GPHN: variants seen among roughly 807,000 people sequenced by gnomAD.
GPHN encodes the protein gephyrin.
A neutral mutation model predicts 95.5 loss-of-function variants in GPHN; 17 were observed. That is an observed-to-expected ratio of 0.18 (90% CI 0.12 to 0.27). The LOEUF is 0.27. Ranked by LOEUF, GPHN falls within the 10% of genes least tolerant of loss-of-function variation. The probability of loss-of-function intolerance (pLI) is 1.00; values close to 1 mark genes in which losing one functional copy is unlikely to be tolerated. For missense variants in GPHN, 660 were observed against 978.1 expected (o/e 0.67, Z 4.34); for synonymous variants, 320 against 322.5 (o/e 0.99, Z 0.08).
intron 9 of GPHN, among the ~76,000 whole-genome samples, chr14:66,978,880 C>G (rs748688447): frequency 6.6e-6 from 1 of 152,156 alleles, no homozygotes; most frequent in Non-Finnish European, 1.5e-5. Flanking sequence ...GTTGAAATTA[C>G]TTCTTGATCT....
At chr14:67,456,577 G>A in the GPHN span, among the ~76,000 whole-genome samples, 1 of 151,286 alleles carries the variant, frequency 6.6e-6, no homozygotes, top group Non-Finnish European at 1.5e-5. Context: ...ACTCCAGCCT[G>A]GGCAAGAAGA....
At chr14:67,727,162 T>C in the GPHN span, 59 of 1,613,720 alleles carry the variant, frequency 3.7e-5, no homozygotes, top group Non-Finnish European at 4.5e-5. Context: ...ATGTGCTTTT[T>C]ACTCGTGAGC....
chr14:66,789,210 C>A (rs113482126), intron 3 of GPHN, among the ~76,000 whole-genome samples: 1 of 152,114 alleles, frequency 6.6e-6, no homozygotes, highest in Non-Finnish European at 1.5e-5. Context: ...TCATCTTTAT[C>A]CTAACTTAAA....
At chr14:66,892,454 T>C (rs749055252) in intron 5 of GPHN, among the ~76,000 whole-genome samples, 37 of 152,090 alleles carry the variant, frequency 2.4e-4, no homozygotes, top group Non-Finnish European at 5.0e-4. Context: ...GTAATAGATA[T>C]TTGCACGCCA....
chr14:67,594,628 G>A, the GPHN span, among the ~76,000 whole-genome samples: 12 of 151,670 alleles, frequency 7.9e-5, no homozygotes, highest in African/African-American at 2.9e-4. Context: ...ACTCCAGCCT[G>A]ATGACAGAGT....
At chr14:66,562,553 A>G (rs541010880) in intron 1 of GPHN, among the ~76,000 whole-genome samples, 5 of 152,294 alleles carry the variant, frequency 3.3e-5, no homozygotes, top group African/African-American at 4.8e-5. Context: ...AGAGTACTCA[A>G]TGATTAGTAA....
At chr14:67,662,747 T>C in the GPHN span, among the ~76,000 whole-genome samples, 1 of 151,616 alleles carries the variant, frequency 6.6e-6, no homozygotes, top group East Asian at 1.9e-4. Context: ...CTACTAACGA[T>C]ACAAAAATTA....
chr14:66,724,606 A>C (rs1363881391), intron 2 of GPHN, among the ~76,000 whole-genome samples: 1 of 152,204 alleles, frequency 6.6e-6, no homozygotes, highest in Non-Finnish European at 1.5e-5. Flanking sequence ...CAAGGATTCA[A>C]GGGATGTGCC....
chr14:67,588,921 T>G, the GPHN span: 1 of 152,632 alleles, frequency 6.6e-6, no homozygotes, highest in Non-Finnish European at 1.5e-5. Context: ...CTCTTTTAAA[T>G]GTACTTGACT....
At chr14:67,219,952 G>A in the GPHN span, among the ~76,000 whole-genome samples, 4 of 152,186 alleles carry the variant, frequency 2.6e-5, no homozygotes, top group Non-Finnish European at 4.4e-5. Flanking sequence ...AGTCTAATTT[G>A]AGAATGTTAA....
Position 66,725,593 on chromosome 14 carries a change from C to T in GPHN, c.143+44408C>T, listed in dbSNP as rs570023992. Among the ~76,000 whole-genome samples the T allele has an allele frequency of 3.3e-5, 5 of 152,282 alleles. No individual in the cohort carries two copies. The East Asian group carries it at 9.7e-4, about 29-fold the overall frequency. On this transcript the variant is annotated intron_variant, in intron 2 of 22. Coordinates refer to ENST00000478722, the MANE Select transcript of GPHN (RefSeq NM_020806.5). ...CCGCCTCCTGGGTTCAAGCAATTCT[C>T]CTGCCTCAGCCTCCTGAGTAGCTGG...
At chr14:67,340,314 T>C in the GPHN span, 1 of 760,612 alleles carries the variant, frequency 1.3e-6, no homozygotes, top group African/African-American at 1.7e-5. Flanking sequence ...TCTTGCTGCT[T>C]ATTTATCAGA....
chr14:66,941,719 T>C (rs1248275256), intron 8 of GPHN, among the ~76,000 whole-genome samples: 1 of 151,820 alleles, frequency 6.6e-6, no homozygotes, highest in Non-Finnish European at 1.5e-5. Context: ...AATTGCATCC[T>C]GTTGCAAAAG....
chr14:67,179,528 T>G, intron 21 of GPHN, 50 bp from the exon 22 acceptor site: 26 of 1,017,334 alleles, frequency 2.6e-5, no homozygotes, highest in Non-Finnish European at 4.1e-5. Context: ...TGTATTTTTG[T>G]GAGATGATCA....
the GPHN span, chr14:67,735,298 A>C: frequency 5.4e-5 from 46 of 857,204 alleles, no homozygotes; most frequent in Non-Finnish European, 9.2e-5. Flanking sequence ...GCTACATCTC[A>C]CCTCTCTGTA....
the GPHN span, among the ~76,000 whole-genome samples, chr14:67,253,040 C>T: frequency 6.6e-6 from 1 of 152,222 alleles, no homozygotes; most frequent in South Asian, 2.1e-4. Context: ...ACAGGCTTTA[C>T]AGTGCAGTTA....
chr14:66,971,218 C>G (rs140715693), intron 9 of GPHN, among the ~76,000 whole-genome samples: 4,189 of 152,278 alleles, frequency 0.028, 80 homozygotes, highest in Non-Finnish European at 0.039. Context: ...ATCCCAGGTA[C>G]TCAGGAGGCT....
At chr14:67,032,267 G>A (rs1391659472) in intron 10 of GPHN, among the ~76,000 whole-genome samples, 1 of 152,116 alleles carries the variant, frequency 6.6e-6, no homozygotes, top group African/African-American at 2.4e-5. Flanking sequence ...TGCATTGATG[G>A]AACTACCACA....
the GPHN span, chr14:67,559,786 C>T: frequency 7.9e-6 from 6 of 761,102 alleles, no homozygotes; most frequent in African/African-American, 3.5e-5. Flanking sequence ...TAGGGTGCCT[C>T]GGCTGACCTT....
Sources: allele counts gnomAD v4.1 joint callset (sites outside exome capture counted in the v4.1 genomes callset), GRCh38; gene constraint gnomAD v4.1.1; transcripts MANE v1.5; gene names NCBI Gene and HGNC (gene_info 2026-07-23, HGNC 2026-07-21).